The following ALPK1 variants were observed in gnomAD, a reference collection of about 807,000 sequenced individuals.
The protein encoded by ALPK1 is alpha-protein kinase 1.
In ALPK1, 110 loss-of-function variants were observed where a neutral mutation model predicts 120.6. The ratio of observed to expected loss-of-function variants is 0.91; its 90% CI spans 0.78 to 1.07. The LOEUF (loss-of-function observed/expected upper bound fraction) is 1.07. Ranked by LOEUF, ALPK1 falls within the 50% of genes least tolerant of loss-of-function variation. The probability of loss-of-function intolerance (pLI) is 0.00; values close to 1 mark genes in which losing one functional copy is unlikely to be tolerated. For missense variants in ALPK1, 1,498 were observed against 1,483.9 expected (o/e 1.01, Z -0.16); for synonymous variants, 582 against 560.3 (o/e 1.04, Z -0.55).
At chr4:112,338,338 C>T (rs945807471) in intron 2 of ALPK1, among the ~76,000 whole-genome samples, 1 of 152,118 alleles carries the variant, frequency 6.6e-6, no homozygotes, top group Non-Finnish European at 1.5e-5. Context: ...AGTAAAATAT[C>T]TTGAATAATT....
At chr4:112,422,599 G>A (rs1477819280) in intron 5 of ALPK1, among the ~76,000 whole-genome samples, 1 of 152,204 alleles carries the variant, frequency 6.6e-6, no homozygotes, top group Non-Finnish European at 1.5e-5. Flanking sequence ...ACTTTTAAGT[G>A]CATGATTTTT....
intron 2 of ALPK1, among the ~76,000 whole-genome samples, chr4:112,321,551 TATC>T (rs1418390743): frequency 6.6e-6 from 1 of 152,234 alleles, no homozygotes; most frequent in Non-Finnish European, 1.5e-5. Context: ...GTGTCACTGT[TATC>T]ATTCTGTTCA....
Position 112,440,925 on chromosome 4 carries a change from A to G in ALPK1, c.3547A>G (p.Thr1183Ala), listed in dbSNP as rs1482636917. The G allele has an allele frequency of 1.2e-6, 2 of 1,610,512 alleles. No homozygotes were observed. The highest frequency in any genetic ancestry group is 1.1e-5 in the South Asian group (1 of 90,528). The stretch of plus-strand genomic sequence containing the variant: ...GTTCATTTCTCTTTTAGGTTGGGTA[A>G]CCGGTAATGGAAAAGGACTCATCTA... ...DVVVDLQGWV[T>A]GNGKGLIYLT... Residue 1183 changes from threonine to alanine, a missense_variant, in exon 15 of 16, where the codon ACC becomes GCC. Thr to Ala is a moderately conservative substitution (Grantham distance 58). Coordinates refer to ENST00000650871, the MANE Select transcript of ALPK1 (RefSeq NM_025144.4).
At chr4:112,324,942 G>A (rs1414156386) in intron 2 of ALPK1, among the ~76,000 whole-genome samples, 1 of 124,670 alleles carries the variant, frequency 8.0e-6, no homozygotes, top group Non-Finnish European at 1.6e-5. Flanking sequence ...TAATTAATGA[G>A]AAGAAGGAGA....
rs71595596 is a variant in ALPK1, at chr4:112,440,812, AGTGT to A, written c.3539-76_3539-73del. 1.9e-3 allele frequency: 2,531 copies of A among 1,325,638 alleles called. 9 individuals are homozygous for A. In the African/African-American group the frequency reaches 0.02, roughly 11 times the overall value. 82.1% of individuals were successfully genotyped at this position (1,325,638 alleles called of 1,614,324 possible). A position where few individuals can be genotyped will look rare whatever the true frequency, so the allele number is the denominator to read the frequency against. On this transcript the variant is annotated intron_variant, in intron 14 of 15. Coordinates refer to ENST00000650871, the MANE Select transcript of ALPK1 (RefSeq NM_025144.4). ...GCCAAGTTTTTGAATTATCTCTTTA[AGTGT>A]GTGTGTGTGTGTGTGTGTGTGTGTG... is the stretch of plus-strand genomic sequence containing the variant.
chr4:112,392,676 G>A (rs552223819), intron 4 of ALPK1, among the ~76,000 whole-genome samples: 1 of 152,164 alleles, frequency 6.6e-6, no homozygotes, highest in African/African-American at 2.4e-5. Flanking sequence ...ACAGGTGCAT[G>A]TCACCATGCC....
intron 4 of ALPK1, among the ~76,000 whole-genome samples, chr4:112,394,032 T>C (rs902558195): frequency 3.3e-5 from 5 of 152,186 alleles, no homozygotes; most frequent in Admixed American, 1.3e-4. Flanking sequence ...TCAGAGGTCT[T>C]CTATTTCAAG....
rs570894746 is a variant in ALPK1 at position 112,327,560 on chromosome 4, G to A, written c.-101+11708G>A. On this transcript the variant is annotated intron_variant, in intron 2 of 15. Transcript: ENST00000650871. ...AGGGATCCCCCCGACCTCAGCCTCT[G>A]GACTAGCCAGGACTACAGGCGTGCA... Among the ~76,000 whole-genome samples, 15 of 152,226 alleles carry A rather than the reference G, an allele frequency of 9.9e-5. No individual in the cohort carries two copies. The South Asian group carries it at 3.1e-3, about 32-fold the overall frequency.
At chr4:112,393,062 C>G (rs541738018) in intron 4 of ALPK1, among the ~76,000 whole-genome samples, 1 of 152,292 alleles carries the variant, frequency 6.6e-6, no homozygotes, top group South Asian at 2.1e-4. Context: ...AAACACCTAA[C>G]ATGTAGAATG....
rs549691975 is a variant in ALPK1, at chr4:112,397,953, A to G, written c.277-13874A>G. ...TTGGGCACAGTCAGATGGTGTATAT[A>G]TAATTTAATATTGGAGAGTAATAAA... On this transcript the variant is annotated intron_variant, in intron 4 of 15. Coordinates refer to ENST00000650871, the MANE Select transcript of ALPK1 (RefSeq NM_025144.4). Among the ~76,000 whole-genome samples the G allele has an allele frequency of 1.6e-4, 25 of 152,334 alleles. No individual in the cohort carries two copies. The South Asian group carries it at 5.0e-3, about 30-fold the overall frequency.
At chr4:112,329,755 T>C (rs974480435) in intron 2 of ALPK1, among the ~76,000 whole-genome samples, 4 of 151,976 alleles carry the variant, frequency 2.6e-5, no homozygotes, top group African/African-American at 4.8e-5. Flanking sequence ...GCTCATGAGG[T>C]TGACAATGGG....
chr4:112,315,039 C>T (rs930371074), intron 1 of ALPK1, among the ~76,000 whole-genome samples: 2 of 151,888 alleles, frequency 1.3e-5, no homozygotes, highest in Non-Finnish European at 2.9e-5. Flanking sequence ...CGCCACCACA[C>T]CTGGCTAATT....
At chr4:112,325,473 A>G (rs561563312) in intron 2 of ALPK1, among the ~76,000 whole-genome samples, 1 of 152,328 alleles carries the variant, frequency 6.6e-6, no homozygotes, top group South Asian at 2.1e-4. Context: ...TTGTGATGGT[A>G]TTAGAAGTGA....
chr4:112,431,896 C>T lies in ALPK1; in HGVS notation c.2349C>T (p.Ser783=), dbSNP rs17044681. 190,271 of 1,613,892 alleles carry T rather than the reference C, an allele frequency of 0.12. 12,668 individuals carry two copies. Among genetic ancestry groups the T allele is most frequent in the Non-Finnish European group, 0.14 (161,170 of 1,180,004 alleles). ...GCCCTACATTTAAAGCTAGTCCCTC[C>T]TGGGTTGACCCAGAAGGAGAAACAG... The part of the protein sequence containing the change: ...GAGPTFKASP[S]WVDPEGETAE... The change falls in exon 11 of 16, where the codon TCC becomes TCT. Residue 783 remains serine (S), a synonymous_variant. Coordinates refer to ENST00000650871, the MANE Select transcript of ALPK1 (RefSeq NM_025144.4).
chr4:112,339,536 T>A (rs561874162), intron 2 of ALPK1, among the ~76,000 whole-genome samples: 1 of 152,280 alleles, frequency 6.6e-6, no homozygotes, highest in Admixed American at 6.5e-5. Context: ...ACTTTTCTTT[T>A]AAAAAAATAA....
intron 4 of ALPK1, among the ~76,000 whole-genome samples, chr4:112,409,057 G>C (rs1733328527): frequency 6.6e-6 from 1 of 152,072 alleles, no homozygotes; most frequent in East Asian, 1.9e-4. Context: ...AACATGGCTT[G>C]GCTATACTCT....
chr4:112,356,848 TGACCTTA>T (rs1369671596), intron 2 of ALPK1: 1 of 732,718 alleles, frequency 1.4e-6, no homozygotes, highest in East Asian at 2.8e-5. Context: ...CACACAACAT[TGACCTTA>T]AGGGGACGGT....
chr4:112,384,018 C>T (rs1384548379), intron 4 of ALPK1: 1 of 152,184 alleles, frequency 6.6e-6, no homozygotes, highest in African/African-American at 2.4e-5. Context: ...TTGTAGTCTA[C>T]TAAATGTATA....
chr4:112,442,587 C>A lies in ALPK1; in HGVS notation c.*1377C>A, dbSNP rs1465920335. 1 of 151,422 alleles carries A rather than the reference C, an allele frequency of 6.6e-6. No homozygotes were observed. The highest frequency in any genetic ancestry group is 6.6e-5 in the Admixed American group (1 of 15,200). 9.4% of individuals were successfully genotyped at this position (151,422 alleles called of 1,614,324 possible). A position where few individuals can be genotyped will look rare whatever the true frequency, so the allele number is the denominator to read the frequency against. ...CATGACACAAACCTGCACATGTACC[C>A]CTGAACTTAAAATAAAAGTAAAAAA... is the stretch of plus-strand genomic sequence containing the variant. On this transcript the variant is annotated 3_prime_UTR_variant, in exon 16 of 16. Coordinates refer to ENST00000650871, the MANE Select transcript of ALPK1 (RefSeq NM_025144.4).
Sources: gnomAD v4.1 joint callset for allele counts (sites outside exome capture counted in the v4.1 genomes callset) on GRCh38, gnomAD v4.1.1 for gene constraint, MANE v1.5 for transcripts, NCBI Gene and HGNC (gene_info 2026-07-23, HGNC 2026-07-21) for gene names.